Variants in TTN observed in about 807,000 individuals in gnomAD.
TTN encodes the protein titin.
In TTN, 1,525 loss-of-function variants were observed where a neutral mutation model predicts 3,223.0. The ratio of observed to expected loss-of-function variants is 0.47; its 90% confidence interval spans 0.45 to 0.49. The LOEUF is 0.49. Ranked by LOEUF, TTN falls within the 20% of genes least tolerant of loss-of-function variation. The probability of loss-of-function intolerance (pLI) is 0.00; values close to 1 mark genes in which losing one functional copy is unlikely to be tolerated. For missense variants in TTN, 40,786 were observed against 43,424.0 expected (o/e 0.94, Z 5.40); for synonymous variants, 14,094 against 15,161.0 (o/e 0.93, Z 5.17).
rs374858668 is a variant in TTN, at chr2:178,583,608, A to G, written c.65574T>C (p.Asn21858=). Residue 21858 remains asparagine (N), a splice_region_variant and synonymous_variant, in exon 312 of 363, where the codon AAT becomes AAC. Transcript: ENST00000589042. The stretch of plus-strand genomic sequence containing the variant: ...CTATAATACTCAGCAGAATCTTACC[A>G]TTTTCTGCGAGGATAGTCACTGGAT... The part of the protein sequence containing the change: ...PSDPVTILAE[N]VPPRIDLSVA... The G allele has an allele frequency of 1.7e-4, 278 of 1,592,680 alleles. No individual in the cohort carries two copies. Among genetic ancestry groups the G allele is most frequent in the Non-Finnish European group, 2.2e-4 (261 of 1,167,420 alleles).
At chr2:178,706,779 T>G in intron 101 of TTN, 40 bp from the exon 102 acceptor site, 7 of 1,596,504 alleles carry the variant, frequency 4.4e-6, no homozygotes, top group Non-Finnish European at 6.0e-6. Flanking sequence ...AATTTAATTT[T>G]CTAAAATCAG....
chr2:178,754,247 T>C (rs1326210670), intron 46 of TTN, among the ~76,000 whole-genome samples: 1 of 152,144 alleles, frequency 6.6e-6, no homozygotes, highest in Non-Finnish European at 1.5e-5. Flanking sequence ...GTAGCCTATA[T>C]GAACTTATTA....
chr2:178,799,356 A>T, intron 6 of TTN, 131 bp downstream of exon 6: 1 of 1,411,126 alleles, frequency 7.1e-7, no homozygotes, highest in South Asian at 1.3e-5. Context: ...TAGAGGTTTG[A>T]GCAGCGGGAC....
chr2:178,688,309 T>C (rs2071412735), intron 126 of TTN, 85 bp from the exon 127 acceptor site: 2 of 1,201,496 alleles, frequency 1.7e-6, no homozygotes, highest in Non-Finnish European at 1.2e-6. Context: ...GATGGATAAC[T>C]GTTCTTCTAT....
Position 178,614,648 on chromosome 2 carries a change from T to G in TTN, c.48866A>C (p.Lys16289Thr). Reference sequence around the variant, plus strand: ...CATATCAGCCTTTGTCCAAGTTATTTTAGGTTCAGGTTTTCCGGTTACGGT... The same window carrying G: ...CATATCAGCCTTTGTCCAAGTTATTGTAGGTTCAGGTTTTCCGGTTACGGT... ...PATVTGKPEP[K>T]ITWTKADMIL... Residue 16289 changes from lysine (K) to threonine (T), a missense_variant, in exon 261 of 363, where the codon AAA becomes ACA. Coordinates refer to ENST00000589042, the MANE Select transcript of TTN (RefSeq NM_001267550.2). 6.2e-7 allele frequency: 1 copy of G among 1,612,440 alleles called. No homozygotes were observed. Among genetic ancestry groups the G allele is most frequent in the Non-Finnish European group, 8.5e-7 (1 of 1,179,140 alleles).
Position 178,630,100 on chromosome 2 carries a change from C to T in TTN, c.44281+141G>A, listed in dbSNP as rs747387268. 561 of 1,210,318 alleles carry T rather than the reference C, an allele frequency of 4.6e-4. 2 individuals carry two copies. The highest frequency in any genetic ancestry group is 5.9e-4 in the Non-Finnish European group (519 of 876,250). 75.0% of individuals were successfully genotyped at this position (1,210,318 alleles called of 1,614,324 possible). A position where few individuals can be genotyped will look rare whatever the true frequency, so the allele number is the denominator to read the frequency against. On this transcript the variant is annotated intron_variant, in intron 239 of 362. Coordinates refer to ENST00000589042, the MANE Select transcript of TTN (RefSeq NM_001267550.2). ...TTGAACCACTTCTGTATTGGAATGT[C>T]AAAGTGGCAAATACAAGAGAGCCAG... is the stretch of plus-strand genomic sequence containing the variant.
rs1458227087 is a variant in TTN at position 178,575,453 on chromosome 2, C to T, written c.70679G>A (p.Gly23560Asp). Residue 23560 changes from glycine (G) to aspartate (D), a missense_variant, in exon 326 of 363, where the codon GGT becomes GAT. Physicochemically the swap from Gly to Asp is moderately conservative, Grantham distance 94. Transcript: ENST00000589042. The surrounding 1 kb of genome is among the most constrained non-coding windows in gnomAD (Gnocchi z 4.0). ...SLAWPKPKHDGGSKITGYVIE... is the reference protein window; with the variant it reads ...SLAWPKPKHDDGSKITGYVIE... ...CACATAGCCAGTGATCTTGCTGCCA[C>T]CATCGTGTTTGGGCTTAGGCCATGC... 7 of 1,613,618 alleles carry T rather than the reference C, an allele frequency of 4.3e-6. No homozygotes were observed. Among genetic ancestry groups the T allele is most frequent in the Middle Eastern group, 1.7e-4 (1 of 6,052 alleles).
In TTN at chr2:178,590,198, A is replaced by G. The variant is rs1441572132; in HGVS notation, c.61527T>C (p.Thr20509=). The G allele has an allele frequency of 1.2e-6, 2 of 1,609,098 alleles. No homozygotes were observed. The highest frequency in any genetic ancestry group is 2.2e-5 in the East Asian group (1 of 44,756). ...CCAATACTTTGCCTTCCTTAGTCCAAGTTATGTCTGGTTCAGGTCTGCCTT... is the reference window on the plus strand; with the variant it reads ...CCAATACTTTGCCTTCCTTAGTCCAGGTTATGTCTGGTTCAGGTCTGCCTT... The part of the protein sequence containing the change: ...RVKGRPEPDI[T]WTKEGKVLVR... Residue 20509 remains threonine, a synonymous_variant, in exon 304 of 363, where the codon ACT becomes ACC. Coordinates refer to ENST00000589042, the MANE Select transcript of TTN (RefSeq NM_001267550.2).
chr2:178,779,839 T>C, intron 22 of TTN, 161 bp downstream of exon 22: 1 of 669,942 alleles, frequency 1.5e-6, no homozygotes, highest in Non-Finnish European at 2.5e-6. Context: ...AACTCACAGG[T>C]GCAACATACC....
intron 240 of TTN, 54 bp downstream of exon 240, chr2:178,629,247 G>T: frequency 6.3e-7 from 1 of 1,593,502 alleles, no homozygotes; most frequent in East Asian, 2.3e-5. Context: ...TACAAGTGAA[G>T]GTGGAAGAAC....
At chr2:178,701,440 G>A in intron 110 of TTN, 88 bp downstream of exon 110, 1 of 1,375,846 alleles carries the variant, frequency 7.3e-7, no homozygotes, top group Non-Finnish European at 1.0e-6. Flanking sequence ...CTCTGCTGCA[G>A]TTTGGTCGCT....
Position 178,607,803 on chromosome 2 carries a change from T to C in TTN, c.52984A>G (p.Thr17662Ala). 6.2e-7 allele frequency: 1 copy of C among 1,612,988 alleles called. No homozygotes were observed. Among genetic ancestry groups the C allele is most frequent in the East Asian group, 2.2e-5 (1 of 44,674 alleles). Reference protein sequence around the residue: ...EGPPGETQPVTVAEPQEPPAV... With the variant: ...EGPPGETQPVAVAEPQEPPAV... Reference sequence around the variant, plus strand: ...TAAGTACCTTGTGGTTCAGCCACAGTAACAGGTTGTGTTTCTCCAGGCGGT... The same window carrying C: ...TAAGTACCTTGTGGTTCAGCCACAGCAACAGGTTGTGTTTCTCCAGGCGGT... The change falls in exon 276 of 363, where the codon ACT becomes GCT. Residue 17662 changes from threonine (T) to alanine (A), a missense_variant. Thr to Ala is a moderately conservative substitution (Grantham distance 58). Transcript: ENST00000589042.
rs771278620 is a variant in TTN, at chr2:178,734,918, A to G, written c.15006T>C (p.His5002=). The change falls in exon 51 of 363, where the codon CAT becomes CAC. Residue 5002 remains histidine, a synonymous_variant. Coordinates refer to ENST00000589042, the MANE Select transcript of TTN (RefSeq NM_001267550.2). ...TCACAGGTGAGCCTTTCAGCTTGCAATGGAGGCGTGCTGATTCACCTGGGA... is the reference window on the plus strand; with the variant it reads ...TCACAGGTGAGCCTTTCAGCTTGCAGTGGAGGCGTGCTGATTCACCTGGGA... The part of the protein sequence containing the change: ...LMLPGESARL[H]CKLKGSPVIQ... 4 of 1,612,306 alleles carry G rather than the reference A, an allele frequency of 2.5e-6. No homozygotes were observed. In the Admixed American group the frequency reaches 5.0e-5, roughly 20 times the overall value.
chr2:178,607,679 G>A lies in TTN; in HGVS notation c.53009C>T (p.Pro17670Leu). The A allele has an allele frequency of 6.2e-7, 1 of 1,612,780 alleles. No homozygotes were observed. Among genetic ancestry groups the A allele is most frequent in the Non-Finnish European group, 8.5e-7 (1 of 1,179,330 alleles). ...GACAGAAACATCCAGTTCCACAGCT[G>A]GAGGCTCTGTTGAAAGAGAACAGTC... ...PVTVAEPQEP[P>L]AVELDVSVKG... is the part of the protein sequence containing the mutation. The change falls in exon 277 of 363, where the codon CCA becomes CTA. Residue 17670 changes from proline to leucine, a missense_variant. By Grantham distance (98) the Pro-to-Leu change is moderately conservative. Transcript: ENST00000589042.
intron 9 of TTN, among the ~76,000 whole-genome samples, chr2:178,792,478 C>T (rs1271809205): frequency 6.6e-6 from 1 of 152,114 alleles, no homozygotes; most frequent in Non-Finnish European, 1.5e-5. Flanking sequence ...CCAATGTTTA[C>T]AAATAGATCT....
intron 99 of TTN, among the ~76,000 whole-genome samples, chr2:178,708,255 G>C (rs904408109): frequency 2.6e-5 from 4 of 152,186 alleles, no homozygotes; most frequent in Non-Finnish European, 5.9e-5. Context: ...GCTAGCATTT[G>C]AGTAATACAT....
rs902321645 is a variant in TTN at position 178,615,705 on chromosome 2, A to G, written c.48396T>C (p.Arg16132=). 6.2e-7 allele frequency: 1 copy of G among 1,612,410 alleles called. No individual in the cohort carries two copies. Among genetic ancestry groups the G allele is most frequent in the Non-Finnish European group, 8.5e-7 (1 of 1,178,972 alleles). Residue 16132 remains arginine (R), a synonymous_variant, in exon 258 of 363, where the codon CGT becomes CGC. Transcript: ENST00000589042. The part of the protein sequence containing the change: ...GKEYLFKVCA[R]NKCGPGEPAY... ...CAGGTTCTCCAGGGCCACATTTGTT[A>G]CGAGCACAAACTTTAAATAAGTACT...
rs750742292 is a variant in TTN at position 178,551,966 on chromosome 2, C to T, written c.90934G>A (p.Val30312Ile). 4 of 1,611,986 alleles carry T rather than the reference C, an allele frequency of 2.5e-6. No individual in the cohort carries two copies. The Admixed American group carries it at 5.0e-5, about 20-fold the overall frequency. The change falls in exon 335 of 363, where the codon GTC (valine) becomes ATC (isoleucine). Residue 30312 changes from valine to isoleucine, a missense_variant. Transcript: ENST00000589042. ...TGTTTTGCCACAATAATGCTTGAGACAAGTGGTTGGCTGACTCCGTATCTG... is the reference window on the plus strand; with the variant it reads ...TGTTTTGCCACAATAATGCTTGAGATAAGTGGTTGGCTGACTCCGTATCTG... ...ENRYGVSQPLVSSIIVAKHQF... is the reference protein window; with the variant it reads ...ENRYGVSQPLISSIIVAKHQF...
Position 178,783,047 on chromosome 2 carries a change from A to G in TTN, c.2859T>C (p.Thr953=), listed in dbSNP as rs765848869. 8 of 1,614,098 alleles carry G rather than the reference A, an allele frequency of 5.0e-6. No individual in the cohort carries two copies. The Admixed American group carries it at 1.0e-4, about 20-fold the overall frequency. Residue 953 remains threonine (T), a synonymous_variant, in exon 18 of 363, where the codon ACT becomes ACC. Coordinates refer to ENST00000589042, the MANE Select transcript of TTN (RefSeq NM_001267550.2). ...PTLVSGLKNV[T]VIEGESVTLE... is the part of the protein sequence containing the mutation. ...AGGTGACAGATTCACCTTCTATGAC[A>G]GTCACATTTTTTAAGCCCTGAAGAG...
Sources: allele counts gnomAD v4.1 joint callset (sites outside exome capture counted in the v4.1 genomes callset), GRCh38; gene constraint gnomAD v4.1.1; non-coding constraint Gnocchi (gnomAD v3.1); transcripts MANE v1.5; gene names NCBI Gene and HGNC (gene_info 2026-07-23, HGNC 2026-07-21).